GOLIM4: variants seen among roughly 807,000 people sequenced by gnomAD.
The protein encoded by GOLIM4 is 130 kDa golgi-localized phosphoprotein.
In GOLIM4, 71 loss-of-function variants were observed where a neutral mutation model predicts 107.4. That is an observed-to-expected ratio of 0.66 (90% CI 0.55 to 0.81). GOLIM4 has a LOEUF of 0.81. Among genes scored for constraint, GOLIM4 ranks in the 30% least tolerant of loss-of-function variants. GOLIM4 has a pLI of 0.00. For missense variants in GOLIM4, 830 were observed against 826.1 expected, an observed-to-expected ratio of 1.00 and a Z score of -0.06; for synonymous variants, 327 against 294.8, an observed-to-expected ratio of 1.11 and a Z score of -1.12.
intron 1 of GOLIM4, among the ~76,000 whole-genome samples, chr3:168,061,538 A>G (rs2108268162): frequency 6.6e-6 from 1 of 152,328 alleles, no homozygotes; most frequent in Middle Eastern, 3.4e-3. Context: ...AGCATTACTC[A>G]TAACAGCCCC....
At chr3:168,024,896 T>C (rs1294837671) in intron 13 of GOLIM4, 32 bp downstream of exon 13, 7 of 1,591,358 alleles carry the variant, frequency 4.4e-6, no homozygotes, top group Non-Finnish European at 6.0e-6. Flanking sequence ...ATAGCCCAGT[T>C]AAATCCACCC....
chr3:168,009,305 A>T lies in GOLIM4; in HGVS notation c.*964T>A, dbSNP rs1422402427. On this transcript the variant is annotated 3_prime_UTR_variant, in exon 16 of 16. Transcript: ENST00000470487. ...AAAATAATCCTATTTGCAGTTTGGT[A>T]TGTCTTCATATTTATACTTATTATC... The T allele has an allele frequency of 1.3e-5, 2 of 151,792 alleles. No individual in the cohort carries two copies. The highest frequency in any genetic ancestry group is 1.3e-4 in the Admixed American group (2 of 15,242). 9.4% of individuals were successfully genotyped at this position (151,792 alleles called of 1,614,324 possible). A position where few individuals can be genotyped will look rare whatever the true frequency, so the allele number is the denominator to read the frequency against.
chr3:168,042,673 T>G (rs961325011), intron 5 of GOLIM4, among the ~76,000 whole-genome samples: 1 of 152,240 alleles, frequency 6.6e-6, no homozygotes, highest in Non-Finnish European at 1.5e-5. Context: ...AGGACTCACA[T>G]GCACTCAGAA....
At chr3:168,046,525 A>T (rs1719315669) in intron 3 of GOLIM4, among the ~76,000 whole-genome samples, 1 of 152,218 alleles carries the variant, frequency 6.6e-6, no homozygotes, top group South Asian at 2.1e-4. Flanking sequence ...GCTGCCTTCA[A>T]GTAAAATATT....
intron 11 of GOLIM4, among the ~76,000 whole-genome samples, chr3:168,028,248 A>G (rs1044516624): frequency 6.6e-6 from 1 of 152,220 alleles, no homozygotes; most frequent in African/African-American, 2.4e-5. Context: ...AAATGCAAGG[A>G]AGAACTGCCC....
At chr3:168,069,814 A>G (rs1720746867) in intron 1 of GOLIM4, among the ~76,000 whole-genome samples, 1 of 152,238 alleles carries the variant, frequency 6.6e-6, no homozygotes, top group African/African-American at 2.4e-5. Flanking sequence ...AAATTTCCTT[A>G]AAGGAAATCT....
At chr3:168,064,729 T>C (rs1720453145) in intron 1 of GOLIM4, among the ~76,000 whole-genome samples, 1 of 151,834 alleles carries the variant, frequency 6.6e-6, no homozygotes, top group Non-Finnish European at 1.5e-5. Flanking sequence ...AATCCATGCC[T>C]GGCTTCATGA....
In GOLIM4 at chr3:168,037,266, A is replaced by C. The variant is rs1036978148; in HGVS notation, c.685-272T>G. 2.0e-5 allele frequency among the ~76,000 whole-genome samples: 3 copies of C among 152,192 alleles called. No homozygotes were observed. The South Asian group carries it at 6.2e-4, about 32-fold the overall frequency. On this transcript the variant is annotated intron_variant, in intron 7 of 15. Coordinates refer to ENST00000470487, the MANE Select transcript of GOLIM4 (RefSeq NM_014498.5). ...CTACACTGAAGTCAGAACTTTTGTAAATAACTTACTAATATAAATATCACT... is the reference window on the plus strand; with the variant it reads ...CTACACTGAAGTCAGAACTTTTGTACATAACTTACTAATATAAATATCACT...
intron 1 of GOLIM4, among the ~76,000 whole-genome samples, chr3:168,077,760 G>A (rs1721144361): frequency 1.3e-5 from 2 of 152,004 alleles, no homozygotes; most frequent in African/African-American, 4.8e-5. Flanking sequence ...AAAACAGAAT[G>A]AGAATTTTTT....
chr3:168,042,245 T>TC (rs1719054353), intron 5 of GOLIM4, among the ~76,000 whole-genome samples: 1 of 152,288 alleles, frequency 6.6e-6, no homozygotes, highest in East Asian at 1.9e-4. Context: ...GCACCTATTT[T>TC]TTTTTTTTGA....
At chr3:168,086,172 TGTTAA>T (rs1721612815) in intron 1 of GOLIM4, among the ~76,000 whole-genome samples, 1 of 152,118 alleles carries the variant, frequency 6.6e-6, no homozygotes, top group African/African-American at 2.4e-5. Flanking sequence ...ATTTTCTGTC[TGTTAA>T]AAGATTGAGC....
Position 168,081,742 on chromosome 3 carries a change from T to A in GOLIM4, c.187+13357A>T, listed in dbSNP as rs115930440. Among the ~76,000 whole-genome samples, 640 of 152,304 alleles carry A rather than the reference T, an allele frequency of 4.2e-3. 4 individuals carry two copies. The highest frequency in any genetic ancestry group is 0.015 in the African/African-American group (616 of 41,568). On this transcript the variant is annotated intron_variant, in intron 1 of 15. Coordinates refer to ENST00000470487, the MANE Select transcript of GOLIM4 (RefSeq NM_014498.5). ...CTGTAACACAGGGTTGTTTTCAGCA[T>A]CAAATAATATCATGAATACAAGGCA...
chr3:168,053,902 A>G (rs1366659478), intron 1 of GOLIM4, among the ~76,000 whole-genome samples: 1 of 152,160 alleles, frequency 6.6e-6, no homozygotes, highest in African/African-American at 2.4e-5. Context: ...TAAAAGAAAG[A>G]AATAAAAAGA....
Position 168,010,318 on chromosome 3 carries a change from T to C in GOLIM4, c.2042A>G (p.Glu681Gly). 4 of 1,613,954 alleles carry C rather than the reference T, an allele frequency of 2.5e-6. No homozygotes were observed. The highest frequency in any genetic ancestry group is 3.4e-6 in the Non-Finnish European group (4 of 1,179,922). ...EHYEEEEEEE[E>G]DGAAVAEKSH... ...TTTCTCAGCAACTGCAGCCCCGTCT[T>C]CTTCCTCCTCTTCTTCCTCCTCGTA... The change falls in exon 16 of 16, where the codon GAA becomes GGA. Residue 681 changes from glutamate (E) to glycine (G), a missense_variant. Glu to Gly is a moderately conservative substitution (Grantham distance 98). Coordinates refer to ENST00000470487, the MANE Select transcript of GOLIM4 (RefSeq NM_014498.5).
chr3:168,035,123 C>A (rs1380039314), intron 8 of GOLIM4, among the ~76,000 whole-genome samples: 2 of 150,604 alleles, frequency 1.3e-5, no homozygotes, highest in Non-Finnish European at 2.9e-5. Flanking sequence ...TCACACCAGT[C>A]AGAAGAGCTA....
chr3:168,041,955 G>GA (rs1719030782), intron 5 of GOLIM4, among the ~76,000 whole-genome samples: 1 of 152,038 alleles, frequency 6.6e-6, no homozygotes, highest in South Asian at 2.1e-4. Flanking sequence ...ACTGCCTCAA[G>GA]ACTATTTAAC....
intron 14 of GOLIM4, among the ~76,000 whole-genome samples, chr3:168,020,278 G>C (rs1577505975): frequency 6.6e-6 from 1 of 152,276 alleles, no homozygotes; most frequent in Non-Finnish European, 1.5e-5. Flanking sequence ...TGGTTAGAAA[G>C]TCTTTAGCAA....
intron 1 of GOLIM4, among the ~76,000 whole-genome samples, chr3:168,055,997 A>T (rs987206595): frequency 6.6e-6 from 1 of 152,208 alleles, no homozygotes; most frequent in African/African-American, 2.4e-5. Flanking sequence ...AACGACCAAG[A>T]CAATTCGGAA....
At chr3:168,037,827 A>G (rs1338022947) in intron 7 of GOLIM4, among the ~76,000 whole-genome samples, 1 of 152,264 alleles carries the variant, frequency 6.6e-6, no homozygotes, top group East Asian at 1.9e-4. Flanking sequence ...GGCATTGTGT[A>G]TACTTTGCTC....
Sources: allele counts gnomAD v4.1 joint callset (sites outside exome capture counted in the v4.1 genomes callset), GRCh38; gene constraint gnomAD v4.1.1; transcripts MANE v1.5; gene names NCBI Gene and HGNC (gene_info 2026-07-23, HGNC 2026-07-21).